Variants in LRTM1 observed in about 807,000 individuals in gnomAD.
LRTM1 encodes leucine rich repeat transmembrane protein 1, also known as leucine-rich repeat and transmembrane domain-containing protein 1.
Under a neutral mutation model 32.4 loss-of-function variants are expected in LRTM1, and 38 were observed. That is an observed-to-expected ratio of 1.17 (90% CI 0.91 to 1.54). The LOEUF is 1.54. LRTM1 is among the 40% of genes most tolerant of loss of function. The pLI is 0.00. For synonymous variants in LRTM1, 186 were observed against 169.9 expected (o/e 1.09, Z -0.74); for missense variants, 466 against 415.4 (o/e 1.12, Z -1.06).
intron 1 of LRTM1, among the ~76,000 whole-genome samples, chr3:54,965,054 A>G (rs1702118009): frequency 6.6e-6 from 1 of 152,188 alleles, no homozygotes; most frequent in South Asian, 2.1e-4. Flanking sequence ...AGATGTCAGA[A>G]TACTTTTTCT....
rs373294015 is a variant in LRTM1 at position 54,939,001 on chromosome 3, A to C, written c.-221-13786T>G. Among the ~76,000 whole-genome samples, 4 of 152,340 alleles carry C rather than the reference A, an allele frequency of 2.6e-5. No homozygotes were observed. The East Asian group carries it at 7.8e-4, about 30-fold the overall frequency. On this transcript the variant is annotated intron_variant, in intron 1 of 2. Coordinates refer to the LRTM1 transcript ENST00000493075. ...CTGAAAAGGGTAGCACACGTTAGAC[A>C]GCAAACTGGGACCAAGAGGAAACTG...
intron 1 of LRTM1, among the ~76,000 whole-genome samples, chr3:54,939,809 T>C (rs1252734303): frequency 1.3e-5 from 2 of 152,180 alleles, no homozygotes; most frequent in African/African-American, 2.4e-5. Flanking sequence ...GTGGGCCTGC[T>C]CCTGCCCTTC....
At chr3:54,958,562 T>C (rs1701958337) in intron 1 of LRTM1, among the ~76,000 whole-genome samples, 1 of 152,172 alleles carries the variant, frequency 6.6e-6, no homozygotes, top group African/African-American at 2.4e-5. Flanking sequence ...CTGGTTGGGA[T>C]TGGGACGTCT....
chr3:54,924,574 G>A (rs1700955187), intron 2 of LRTM1, 45 bp downstream of exon 2: 2 of 1,444,620 alleles, frequency 1.4e-6, no homozygotes, highest in Non-Finnish European at 1.9e-6. Context: ...ATTCATCCTA[G>A]GCTGGTAACA....
At chr3:54,939,875 T>C (rs918894678) in intron 1 of LRTM1, among the ~76,000 whole-genome samples, 3 of 152,202 alleles carry the variant, frequency 2.0e-5, no homozygotes, top group African/African-American at 7.2e-5. Context: ...CCATGCTTGC[T>C]TTAGAGCATC....
intron 2 of LRTM1, among the ~76,000 whole-genome samples, chr3:54,922,320 CTTTT>C (rs199955110): frequency 3.6e-5 from 5 of 137,016 alleles, no homozygotes; most frequent in African/African-American, 1.3e-4. Context: ...GTCCTGGGAA[CTTTT>C]TTTTTTTTTT....
At chr3:54,942,098 TG>T (rs1220341723) in intron 1 of LRTM1, among the ~76,000 whole-genome samples, 1 of 152,240 alleles carries the variant, frequency 6.6e-6, no homozygotes, top group Non-Finnish European at 1.5e-5. Flanking sequence ...AAGGAAGTGT[TG>T]GCTAGAGCCT....
intron 1 of LRTM1, among the ~76,000 whole-genome samples, chr3:54,948,995 C>T (rs912430845): frequency 2.0e-5 from 3 of 152,212 alleles, no homozygotes; most frequent in Non-Finnish European, 2.9e-5. Flanking sequence ...ATCTGGGGCT[C>T]AGCTGAAATC....
chr3:54,919,866 C>A (rs1295720406), intron 2 of LRTM1, among the ~76,000 whole-genome samples: 1 of 152,226 alleles, frequency 6.6e-6, no homozygotes, highest in Admixed American at 6.5e-5. Context: ...ACATCCAAAC[C>A]CAGTTCTCCA....
At chr3:54,941,734 G>A (rs148246899) in intron 1 of LRTM1, among the ~76,000 whole-genome samples, 152 of 152,198 alleles carry the variant, frequency 1.0e-3, no homozygotes, top group African/African-American at 3.4e-3. Flanking sequence ...TTCTAACCAC[G>A]AGGGTTCGCA....
At chr3:54,926,285 G>A (rs66536204) in intron 1 of LRTM1, among the ~76,000 whole-genome samples, 65,884 of 151,932 alleles carry the variant, frequency 0.43, 15,243 homozygotes, top group East Asian at 0.76. Flanking sequence ...TGTAAATATG[G>A]TTCCATTATT....
intron 2 of LRTM1, 151 bp from the exon 3 acceptor site, chr3:54,919,043 T>C: frequency 1.5e-6 from 1 of 655,348 alleles, no homozygotes; most frequent in Non-Finnish European, 2.3e-6. Context: ...AACCATATTT[T>C]ATGATTTTAG....
At chr3:54,966,744 G>A (rs530676764) in intron 1 of LRTM1, among the ~76,000 whole-genome samples, 23 of 152,206 alleles carry the variant, frequency 1.5e-4, no homozygotes, top group East Asian at 3.9e-4. Context: ...ACTTGAACCC[G>A]GGAAGCAGAG....
chr3:54,935,072 T>A (rs1340100136), intron 1 of LRTM1, among the ~76,000 whole-genome samples: 2 of 152,322 alleles, frequency 1.3e-5, no homozygotes, highest in South Asian at 2.1e-4. Context: ...TCTCATCACC[T>A]TGAACCTGTT....
At chr3:54,946,742 TC>T (rs1217421780) in intron 1 of LRTM1, among the ~76,000 whole-genome samples, 1 of 151,492 alleles carries the variant, frequency 6.6e-6, no homozygotes, top group East Asian at 2.0e-4. Flanking sequence ...AAGAATCCAA[TC>T]CTTTCTTAAA....
intron 1 of LRTM1, among the ~76,000 whole-genome samples, chr3:54,956,614 C>A: frequency 6.6e-6 from 1 of 150,418 alleles, no homozygotes; most frequent in East Asian, 1.9e-4. Flanking sequence ...TCCTGCTCAT[C>A]CTACAGACCC....
At chr3:54,931,501 C>T (rs1701191812), upstream of LRTM1, among the ~76,000 whole-genome samples, 3 of 152,110 alleles carry the variant, frequency 2.0e-5, no homozygotes, top group South Asian at 6.2e-4. Flanking sequence ...GGCAAGACAG[C>T]CATGCTTGCA....
At chr3:54,942,172 G>T (rs1425939072) in intron 1 of LRTM1, among the ~76,000 whole-genome samples, 2 of 152,232 alleles carry the variant, frequency 1.3e-5, no homozygotes, top group African/African-American at 4.8e-5. Context: ...TTCTGCAACA[G>T]GGCAGTGATA....
At chr3:54,943,142 C>T (rs1575395723) in intron 1 of LRTM1, among the ~76,000 whole-genome samples, 1 of 151,070 alleles carries the variant, frequency 6.6e-6, no homozygotes, top group Non-Finnish European at 1.5e-5. Flanking sequence ...TTCGAGGCTA[C>T]AGTGGACTAT....
Sources: allele counts gnomAD v4.1 joint callset (sites outside exome capture counted in the v4.1 genomes callset), GRCh38; gene constraint gnomAD v4.1.1; transcripts MANE v1.5; gene names NCBI Gene and HGNC (gene_info 2026-07-23, HGNC 2026-07-21).